Variants in CREBBP observed in about 807,000 individuals in gnomAD.
CREBBP encodes the protein CREB binding lysine acetyltransferase.
A neutral mutation model predicts 265.0 loss-of-function variants in CREBBP; 19 were observed. That is an observed-to-expected ratio of 0.07 (90% CI 0.05 to 0.11). CREBBP has a LOEUF of 0.11. Ranked by LOEUF, CREBBP falls within the 10% of genes least tolerant of loss-of-function variation. The pLI, the probability that CREBBP is intolerant of heterozygous loss-of-function variation, is 1.00. For missense variants in CREBBP, 2,525 were observed against 3,219.0 expected (o/e 0.78, Z 5.22); for synonymous variants, 1,457 against 1,223.7 (o/e 1.19, Z -3.98).
chr16:3,873,704 G>C (rs2055344675), intron 1 of CREBBP, among the ~76,000 whole-genome samples: 2 of 152,152 alleles, frequency 1.3e-5, no homozygotes, highest in South Asian at 4.1e-4. Flanking sequence ...TGAGCTCAGA[G>C]AGCTGATGTA....
At chr16:3,806,992 C>T (rs1567328553) in intron 3 of CREBBP, among the ~76,000 whole-genome samples, 1 of 152,214 alleles carries the variant, frequency 6.6e-6, no homozygotes, top group African/African-American at 2.4e-5. Context: ...GTCCCTATGA[C>T]AATCTGAACC....
rs1171645432 is a variant in CREBBP at position 3,813,012 on chromosome 16, G to GT, written c.799-2234dup. On this transcript the variant is annotated intron_variant, in intron 2 of 30. Transcript: ENST00000262367. ...TCTATGGACTTCAAACTCCTCGCCT[G>GT]TAAGATGAGTGTCTTGAACAAGATG... 9 of 223,326 alleles carry GT rather than the reference G, an allele frequency of 4.0e-5. No individual in the cohort carries two copies. In the Admixed American group the frequency reaches 5.2e-4, roughly 13 times the overall value. The allele number at this position is 223,326 out of a possible 1,614,324, so 13.8% of individuals were successfully genotyped here. A position where few individuals can be genotyped will look rare whatever the true frequency, so the allele number is the denominator to read the frequency against.
rs933149545 is a variant in CREBBP at position 3,778,235 on chromosome 16, G to T, written c.1942-53C>A. 4 of 1,423,330 alleles carry T rather than the reference G, an allele frequency of 2.8e-6. No individual in the cohort carries two copies. The African/African-American group carries it at 4.2e-5, about 15-fold the overall frequency. The allele number at this position is 1,423,330 out of a possible 1,614,324, so 88.2% of individuals were successfully genotyped here. A position where few individuals can be genotyped will look rare whatever the true frequency, so the allele number is the denominator to read the frequency against. On this transcript the variant is annotated intron_variant, in intron 9 of 30. Transcript: ENST00000262367. ...ACAGTTAAAACTGTAAAAAGCAACT[G>T]AATGATCTGTGTTGTAGGTTCTAAC... is the stretch of plus-strand genomic sequence containing the variant.
rs116668531 is a variant in CREBBP, at chr16:3,754,432, G to A, written c.3699-2626C>T. Among the ~76,000 whole-genome samples the A allele has an allele frequency of 6.3e-3, 965 of 152,270 alleles. 10 individuals carry two copies. The highest frequency in any genetic ancestry group is 0.022 in the African/African-American group (909 of 41,552). On this transcript the variant is annotated intron_variant, in intron 19 of 30. Coordinates refer to ENST00000262367, the MANE Select transcript of CREBBP (RefSeq NM_004380.3). ...TAGAAATTCACTTTTCAACTTAAGC[G>A]CCTAGATGACATTTTGCCTGGTGTG...
intron 16 of CREBBP, chr16:3,767,463 C>T (rs1371619981): frequency 1.2e-5 from 7 of 580,422 alleles, no homozygotes; most frequent in Non-Finnish European, 2.1e-5. Context: ...CCAGCACCAT[C>T]AGAAGACAGC....
intron 2 of CREBBP, among the ~76,000 whole-genome samples, chr16:3,812,730 A>G (rs750686241): frequency 6.6e-5 from 10 of 152,264 alleles, no homozygotes; most frequent in Admixed American, 2.0e-4. Flanking sequence ...GTGGAGAAAC[A>G]ACGACTAATT....
At chr16:3,735,949 C>T in intron 28 of CREBBP, 87 bp downstream of exon 28, 2 of 1,610,252 alleles carry the variant, frequency 1.2e-6, no homozygotes, top group Non-Finnish European at 1.7e-6. Context: ...ACAGGAAGGA[C>T]CTAACAGTCG....
At chr16:3,785,371 A>C (rs1322444689) in intron 5 of CREBBP, among the ~76,000 whole-genome samples, 1 of 152,236 alleles carries the variant, frequency 6.6e-6, no homozygotes, top group Non-Finnish European at 1.5e-5. Flanking sequence ...CAATCTCTGC[A>C]TTCCCTGAGC....
rs1033481526 is a variant in CREBBP at position 3,725,364 on chromosome 16, C to T, written c.*2354G>A. On this transcript the variant is annotated 3_prime_UTR_variant, in exon 31 of 31. Coordinates refer to ENST00000262367, the MANE Select transcript of CREBBP (RefSeq NM_004380.3). The stretch of plus-strand genomic sequence containing the variant: ...ATTCCAGGATAACCTGAAACAGAGG[C>T]CCCTCCACTGCCCACATTAAAAGGC... 2 of 233,182 alleles carry T rather than the reference C, an allele frequency of 8.6e-6. No homozygotes were observed. The highest frequency in any genetic ancestry group is 6.0e-5 in the East Asian group (1 of 16,604). 14.4% of individuals were successfully genotyped at this position (233,182 alleles called of 1,614,324 possible). A position where few individuals can be genotyped will look rare whatever the true frequency, so the allele number is the denominator to read the frequency against.
chr16:3,872,300 A>T (rs967861190), intron 1 of CREBBP, among the ~76,000 whole-genome samples: 2 of 152,120 alleles, frequency 1.3e-5, no homozygotes, highest in African/African-American at 2.4e-5. Flanking sequence ...GCCTTGCCCA[A>T]TTTGATTTGT....
intron 6 of CREBBP, among the ~76,000 whole-genome samples, chr16:3,781,891 T>C (rs1320014677): frequency 1.3e-5 from 2 of 152,188 alleles, no homozygotes; most frequent in Non-Finnish European, 2.9e-5. Context: ...CAGTATTAGT[T>C]AGACATTCAT....
intron 5 of CREBBP, 152 bp from the exon 6 acceptor site, chr16:3,783,078 G>A: frequency 9.4e-7 from 1 of 1,068,536 alleles, no homozygotes. Context: ...AGGGAGAAAG[G>A]AACTGTGCTG....
chr16:3,768,699 A>G (rs2052924523), intron 15 of CREBBP, among the ~76,000 whole-genome samples: 1 of 152,174 alleles, frequency 6.6e-6, no homozygotes, highest in Non-Finnish European at 1.5e-5. Context: ...TGCTGAAAGC[A>G]TCTCATTTTT....
intron 5 of CREBBP, among the ~76,000 whole-genome samples, chr16:3,785,951 T>A (rs944759098): frequency 6.6e-6 from 1 of 152,192 alleles, no homozygotes; most frequent in Non-Finnish European, 1.5e-5. Flanking sequence ...CCCCTTCTGA[T>A]GTTGCTGAAG....
intron 1 of CREBBP, among the ~76,000 whole-genome samples, chr16:3,857,297 T>G (rs982618850): frequency 6.6e-6 from 1 of 152,154 alleles, no homozygotes; most frequent in Non-Finnish European, 1.5e-5. Context: ...ACCAGCTGTT[T>G]GGGTGAAGGC....
At chr16:3,818,613 C>T (rs9925448) in intron 2 of CREBBP, among the ~76,000 whole-genome samples, 3,187 of 152,166 alleles carry the variant, frequency 0.021, 105 homozygotes, top group African/African-American at 0.072. Context: ...CGTGAGCCAC[C>T]GCACCTGGCC....
rs1442555973 is a variant in CREBBP, at chr16:3,767,459, C to A, written c.3250+261G>T. 6 of 575,532 alleles carry A rather than the reference C, an allele frequency of 1.0e-5. No homozygotes were observed. In the Admixed American group the frequency reaches 1.9e-4, roughly 18 times the overall value. The allele number at this position is 575,532 out of a possible 1,614,324, so 35.7% of individuals were successfully genotyped here. Reference sequence around the variant, plus strand: ...CATTTCAACTCGGCCCCTGCCAGCACCATCAGAAGACAGCTCTGCAGCCTG... The same window carrying A: ...CATTTCAACTCGGCCCCTGCCAGCAACATCAGAAGACAGCTCTGCAGCCTG... On this transcript the variant is annotated intron_variant, in intron 16 of 30. Coordinates refer to ENST00000262367, the MANE Select transcript of CREBBP (RefSeq NM_004380.3).
intron 3 of CREBBP, among the ~76,000 whole-genome samples, chr16:3,806,447 A>G (rs1429837699): frequency 6.7e-6 from 1 of 150,312 alleles, no homozygotes; most frequent in Middle Eastern, 3.4e-3. Flanking sequence ...TCCATAACGC[A>G]GTTCTTAAAA....
chr16:3,861,305 T>G (rs1263117559), intron 1 of CREBBP, among the ~76,000 whole-genome samples: 1 of 152,204 alleles, frequency 6.6e-6, no homozygotes, highest in Non-Finnish European at 1.5e-5. Context: ...TAAAGGACAG[T>G]AGCACCTGCT....
Sources: gnomAD v4.1 joint callset for allele counts (sites outside exome capture counted in the v4.1 genomes callset) on GRCh38, gnomAD v4.1.1 for gene constraint, MANE v1.5 for transcripts, NCBI Gene and HGNC (gene_info 2026-07-23, HGNC 2026-07-21) for gene names.